The following NLRX1 variants were observed in gnomAD, a reference collection of about 807,000 sequenced individuals.
NLRX1 encodes NLR family member X1.
A neutral mutation model predicts 74.2 loss-of-function variants in NLRX1; 67 were observed. That is an observed-to-expected ratio of 0.90 (90% CI 0.74 to 1.11). The LOEUF (loss-of-function observed/expected upper bound fraction) is 1.11, where lower values mean the gene tolerates loss of function less well. Among genes scored for constraint, NLRX1 ranks in the 50% least tolerant of loss-of-function variants. The pLI is 0.00. For missense variants in NLRX1, 1,191 were observed against 1,305.4 expected (o/e 0.91, Z 1.35); for synonymous variants, 506 against 559.1 (o/e 0.91, Z 1.34).
At position 119,173,797 on chromosome 11, in the gene NLRX1, G is replaced by A; in HGVS notation, c.548G>A (p.Trp183Ter). The A allele has an allele frequency of 6.2e-7, 1 of 1,613,556 alleles. No homozygotes were observed. The highest frequency in any genetic ancestry group is 8.5e-7 in the Non-Finnish European group (1 of 1,180,016). The change falls in exon 5 of 10, where the codon TGG (tryptophan) becomes TAG (stop). Residue 183 changes from tryptophan to a stop codon, truncating the protein, a stop_gained. Coordinates refer to ENST00000409109, the MANE Select transcript of NLRX1 (RefSeq NM_001282144.2). LOFTEE classifies it high-confidence loss of function. This position sits in a 1 kb window ranked among gnomAD's most constrained non-coding sequence, Gnocchi z 4.0. ...CTGGTGCGCAAGATGGTTCTGGACT[G>A]GTGTTATGGGCGGCTGCCGGCCTTC... Reference protein sequence around the residue: ...STLVRKMVLDWCYGRLPAFEL... With the variant: ...STLVRKMVLD
Position 119,180,046 on chromosome 11 carries a change from C to T in NLRX1, c.2025C>T (p.Leu675=). 2 of 1,613,638 alleles carry T rather than the reference C, an allele frequency of 1.2e-6. No individual in the cohort carries two copies. Among genetic ancestry groups the T allele is most frequent in the Non-Finnish European group, 1.7e-6 (2 of 1,180,016 alleles). Residue 675 remains leucine (L), a synonymous_variant, in exon 7 of 10, where the codon CTC becomes CTT. Coordinates refer to ENST00000409109, the MANE Select transcript of NLRX1 (RefSeq NM_001282144.2). ...GGCAGGTGCTGCCCCCATCAGAGCT[C>T]CTTGACCACCTCTTCTTCCACTATG... ...LGRQVLPPSE[L]LDHLFFHYEF... is the part of the protein sequence containing the mutation.
rs140133658 is a variant in NLRX1 at position 119,174,005 on chromosome 11, G to A, written c.756G>A (p.Arg252=). 3.6e-5 allele frequency: 58 copies of A among 1,614,166 alleles called. No individual in the cohort carries two copies. In the African/African-American group the frequency reaches 4.4e-4, roughly 12 times the overall value. Residue 252 remains arginine, a synonymous_variant, in exon 5 of 10, where the codon CGG becomes CGA. Transcript: ENST00000409109. ...TAGAGCATCTCAACCTCGACTTCCG[G>A]CTGGCAGGCACGGGACTTTGTAGTG... ...HGLEHLNLDF[R]LAGTGLCSDP...
intron 3 of NLRX1, 59 bp from the exon 4 acceptor site, chr11:119,172,842 C>A: frequency 7.9e-7 from 1 of 1,262,714 alleles, no homozygotes; most frequent in Non-Finnish European, 1.2e-6. Context: ...GGACCCAGAG[C>A]CTGTGAAGGG....
intron 9 of NLRX1, among the ~76,000 whole-genome samples, chr11:119,182,758 G>A (rs559815757): frequency 7.9e-5 from 12 of 151,966 alleles, no homozygotes; most frequent in African/African-American, 2.9e-4. Flanking sequence ...GTGGTGGTGC[G>A]CACCTGTAAT....
Position 119,173,041 on chromosome 11 carries a change from C to T in NLRX1, c.229+52C>T. 2 of 1,420,296 alleles carry T rather than the reference C, an allele frequency of 1.4e-6. No individual in the cohort carries two copies. Among genetic ancestry groups the T allele is most frequent in the Non-Finnish European group, 2.0e-6 (2 of 1,006,258 alleles). 88.0% of individuals were successfully genotyped at this position (1,420,296 alleles called of 1,614,324 possible). ...CAGGGGGTGTGGTGGGCAGACGGGG[C>T]TGGAAGGAGAAGCAGGGTGAGGGAG... On this transcript the variant is annotated intron_variant, in intron 4 of 9. Transcript: ENST00000409109. The surrounding 1 kb of genome is among the most constrained non-coding windows in gnomAD (Gnocchi z 4.0).
In NLRX1 at chr11:119,179,889, T is replaced by A; in HGVS notation, c.1868T>A (p.Phe623Tyr). The A allele has an allele frequency of 6.2e-7, 1 of 1,612,588 alleles. No homozygotes were observed. The highest frequency in any genetic ancestry group is 8.5e-7 in the Non-Finnish European group (1 of 1,178,986). ...CCTGAGGATGAAGTCTTCGAGCTCT[T>A]CCCCATGTTCATGGGGGGGCTTCTC... ...EPPEDEVFEL[F>Y]PMFMGGLLSA... Residue 623 changes from phenylalanine (F) to tyrosine (Y), a missense_variant, in exon 7 of 10, where the codon TTC becomes TAC. Coordinates refer to ENST00000409109, the MANE Select transcript of NLRX1 (RefSeq NM_001282144.2).
In NLRX1 at chr11:119,176,425, T is replaced by A. The variant is rs1027418110; in HGVS notation, c.1671+1151T>A. On this transcript the variant is annotated intron_variant, in intron 6 of 9. Coordinates refer to ENST00000409109, the MANE Select transcript of NLRX1 (RefSeq NM_001282144.2). ...CACCATCCCCAGCTAATTTTTAAAA[T>A]TTTAATTTTGTAGCCGGGTGCAGTG... 2.0e-5 allele frequency among the ~76,000 whole-genome samples: 3 copies of A among 152,240 alleles called. No individual in the cohort carries two copies. The South Asian group carries it at 6.2e-4, about 32-fold the overall frequency.
chr11:119,181,368 G>A (rs558310559), intron 8 of NLRX1, 111 bp downstream of exon 8: 7 of 801,730 alleles, frequency 8.7e-6, no homozygotes, highest in Non-Finnish European at 1.5e-5. Context: ...AAATGGAGGA[G>A]AGTCTAGGCC....
chr11:119,183,142 A>G lies in NLRX1; in HGVS notation c.2631A>G (p.Ser877=), dbSNP rs1948885234. ...LLHLYFNELS[S]EGRQVLRDLG... ...GCCTCTACTTCAATGAGCTGAGCTCAGAGGGCCGCCAGGTCTTGCGAGACT... is the reference window on the plus strand; with the variant it reads ...GCCTCTACTTCAATGAGCTGAGCTCGGAGGGCCGCCAGGTCTTGCGAGACT... Residue 877 remains serine, a synonymous_variant, in exon 10 of 10, where the codon TCA becomes TCG. Coordinates refer to ENST00000409109, the MANE Select transcript of NLRX1 (RefSeq NM_001282144.2). The surrounding 1 kb of genome is among the most constrained non-coding windows in gnomAD (Gnocchi z 5.7). 5 of 1,614,076 alleles carry G rather than the reference A, an allele frequency of 3.1e-6. No individual in the cohort carries two copies. In the East Asian group the frequency reaches 1.1e-4, roughly 36 times the overall value.
At position 119,175,242 on chromosome 11, in the gene NLRX1, C is replaced by A. The variant is rs145779362; in HGVS notation, c.1639C>A (p.Arg547=). 2 of 1,613,842 alleles carry A rather than the reference C, an allele frequency of 1.2e-6. No individual in the cohort carries two copies. Among genetic ancestry groups the A allele is most frequent in the Admixed American group, 3.3e-5 (2 of 60,006 alleles). ...CATCATGGCCAAGCTGCTGCCTCTGCGGGCTCTGCCTCTGCTCTTCAACCT... is the reference window on the plus strand; with the variant it reads ...CATCATGGCCAAGCTGCTGCCTCTGAGGGCTCTGCCTCTGCTCTTCAACCT... ...LGIMAKLLPL[R]ALPLLFNLIK... is the part of the protein sequence containing the mutation. Residue 547 remains arginine (R), a synonymous_variant, in exon 6 of 10, where the codon CGG becomes AGG. Coordinates refer to ENST00000409109, the MANE Select transcript of NLRX1 (RefSeq NM_001282144.2).
chr11:119,174,338 T>C, intron 5 of NLRX1, 115 bp from the exon 6 acceptor site: 1 of 1,166,372 alleles, frequency 8.6e-7, no homozygotes, highest in Non-Finnish European at 1.2e-6. Flanking sequence ...GTTATAACTG[T>C]TATCCTCATC....
intron 3 of NLRX1, among the ~76,000 whole-genome samples, 187 bp downstream of exon 3, chr11:119,172,612 G>C (rs1456074192): frequency 6.6e-6 from 1 of 152,170 alleles, no homozygotes; most frequent in African/African-American, 2.4e-5. Flanking sequence ...GTGGTAGAAG[G>C]CATAGTAGTC....
At chr11:119,174,180 C>A in intron 5 of NLRX1, 82 bp downstream of exon 5, 1 of 1,519,260 alleles carries the variant, frequency 6.6e-7, no homozygotes, top group South Asian at 1.3e-5. Context: ...CTCCTGGTCC[C>A]TTCACTTCCC....
intron 6 of NLRX1, among the ~76,000 whole-genome samples, chr11:119,177,145 C>G (rs945556843): frequency 7.9e-5 from 12 of 151,728 alleles, no homozygotes; most frequent in African/African-American, 2.9e-4. Flanking sequence ...GCAGTGGCAC[C>G]GTCTCTGCTC....
At position 119,183,454 on chromosome 11, in the gene NLRX1, G is replaced by T; in HGVS notation, c.*15G>T. ...CTGGAAGCTGAGACACTGGCGGCAGGCACCTAGCTATGTGACCACTGGCCC... is the reference window on the plus strand; with the variant it reads ...CTGGAAGCTGAGACACTGGCGGCAGTCACCTAGCTATGTGACCACTGGCCC... On this transcript the variant is annotated 3_prime_UTR_variant, in exon 10 of 10. Coordinates refer to ENST00000409109, the MANE Select transcript of NLRX1 (RefSeq NM_001282144.2). The surrounding 1 kb of genome is among the most constrained non-coding windows in gnomAD (Gnocchi z 5.7). 6.2e-7 allele frequency: 1 copy of T among 1,604,102 alleles called. No homozygotes were observed.
rs755343916 is a variant in NLRX1, at chr11:119,183,963, C to T, written c.*524C>T. The stretch of plus-strand genomic sequence containing the variant: ...ATGGTATGATGGCTTGGTAGCCCCT[C>T]GAGGCAGATGCACCTGACTTGCTGC... On this transcript the variant is annotated 3_prime_UTR_variant, in exon 10 of 10. Coordinates refer to ENST00000409109, the MANE Select transcript of NLRX1 (RefSeq NM_001282144.2). This position sits in a 1 kb window ranked among gnomAD's most constrained non-coding sequence, Gnocchi z 5.7. 1.4e-5 allele frequency: 11 copies of T among 772,072 alleles called. No individual in the cohort carries two copies. The highest frequency in any genetic ancestry group is 8.5e-5 in the African/African-American group (5 of 58,982). 47.8% of individuals were successfully genotyped at this position (772,072 alleles called of 1,614,324 possible).
Position 119,181,210 on chromosome 11 carries a change from C to T in NLRX1, c.2307C>T (p.Asp769=). The part of the protein sequence containing the change: ...LNSLGPEACK[D]LRDLLLHDQC... Reference sequence around the variant, plus strand: ...GCCTGGGCCCTGAGGCCTGCAAGGACCTCCGAGACCTGTTGCTGCATGACC... The same window carrying T: ...GCCTGGGCCCTGAGGCCTGCAAGGATCTCCGAGACCTGTTGCTGCATGACC... Residue 769 remains aspartate (D), a synonymous_variant, in exon 8 of 10, where the codon GAC becomes GAT. Coordinates refer to ENST00000409109, the MANE Select transcript of NLRX1 (RefSeq NM_001282144.2). 3 of 1,613,906 alleles carry T rather than the reference C, an allele frequency of 1.9e-6. No homozygotes were observed. Among genetic ancestry groups the T allele is most frequent in the Non-Finnish European group, 2.5e-6 (3 of 1,179,970 alleles).
intron 7 of NLRX1, 71 bp from the exon 8 acceptor site, chr11:119,181,100 T>G (rs1592336337): frequency 3.8e-6 from 4 of 1,063,122 alleles, no homozygotes; most frequent in Non-Finnish European, 5.9e-6. Context: ...AAAGGCATGG[T>G]AGATGGACAG....
At chr11:119,171,151 G>A (rs959690058) in intron 1 of NLRX1, among the ~76,000 whole-genome samples, 20 of 152,192 alleles carry the variant, frequency 1.3e-4, no homozygotes, top group African/African-American at 4.8e-4. Flanking sequence ...AGAAAAAAAA[G>A]GTGGTAGGAG....
Sources: allele counts gnomAD v4.1 joint callset (sites outside exome capture counted in the v4.1 genomes callset), GRCh38; gene constraint gnomAD v4.1.1; non-coding constraint Gnocchi (gnomAD v3.1); transcripts MANE v1.5; gene names NCBI Gene and HGNC (gene_info 2026-07-23, HGNC 2026-07-21).